The following DCLK1 variants were observed in gnomAD, a reference collection of about 807,000 sequenced individuals.
DCLK1 encodes the protein doublecortin like kinase 1.
In DCLK1, 16 loss-of-function variants were observed where a neutral mutation model predicts 86.2. That is an observed-to-expected ratio of 0.19 (90% CI 0.13 to 0.28). DCLK1 has a LOEUF of 0.28. Among genes scored for constraint, DCLK1 ranks in the 10% least tolerant of loss-of-function variants. DCLK1 has a pLI of 1.00. For synonymous variants in DCLK1, 369 were observed against 370.5 expected, an observed-to-expected ratio of 1.00 and a Z score of 0.05; for missense variants, 590 against 940.2, an observed-to-expected ratio of 0.63 and a Z score of 4.87.
At chr13:36,083,306 T>C (rs77219251) in intron 3 of DCLK1, among the ~76,000 whole-genome samples, 6,273 of 152,270 alleles carry the variant, frequency 0.041, 144 homozygotes, top group African/African-American at 0.07. Flanking sequence ...ACACTAAAAA[T>C]GTCTAGTTTG....
intron 3 of DCLK1, among the ~76,000 whole-genome samples, chr13:36,095,157 CTA>C (rs10546609): frequency 0.17 from 24,647 of 148,988 alleles, 2,890 homozygotes; most frequent in East Asian, 0.37. Flanking sequence ...TGATATCTCT[CTA>C]TCTCTCTCTC....
chr13:35,935,382 T>C (rs1876699891), intron 4 of DCLK1, among the ~76,000 whole-genome samples: 1 of 152,066 alleles, frequency 6.6e-6, no homozygotes, highest in Admixed American at 6.6e-5. Flanking sequence ...AGTTCAAGCA[T>C]CTTCATGAGT....
At chr13:35,795,370 T>C (rs879747746) in intron 15 of DCLK1, among the ~76,000 whole-genome samples, 9 of 151,946 alleles carry the variant, frequency 5.9e-5, no homozygotes, top group Non-Finnish European at 1.0e-4. Flanking sequence ...CATAAATGAA[T>C]ACCCAAAAGA....
intron 3 of DCLK1, among the ~76,000 whole-genome samples, chr13:36,034,286 T>C (rs1882404506): frequency 6.6e-6 from 1 of 152,218 alleles, no homozygotes; most frequent in Admixed American, 6.5e-5. Context: ...ATAGAATCAA[T>C]AGAAATTAAA....
At chr13:35,820,504 T>C (rs1419067297) in intron 11 of DCLK1, among the ~76,000 whole-genome samples, 4 of 152,214 alleles carry the variant, frequency 2.6e-5, no homozygotes, top group Non-Finnish European at 5.9e-5. Flanking sequence ...TGCACTCCAA[T>C]GTAATCACTT....
intron 3 of DCLK1, among the ~76,000 whole-genome samples, chr13:35,996,408 G>T (rs180899217): frequency 6.6e-6 from 1 of 152,328 alleles, no homozygotes; most frequent in Non-Finnish European, 1.5e-5. Flanking sequence ...CGGGGCCCAG[G>T]TATGTAGTCA....
At chr13:35,985,321 A>C (rs1229962530) in intron 3 of DCLK1, among the ~76,000 whole-genome samples, 2 of 152,004 alleles carry the variant, frequency 1.3e-5, no homozygotes, top group African/African-American at 4.8e-5. Context: ...GATCAACAAT[A>C]GCAGGTGTGG....
At chr13:35,919,135 G>A (rs758911037) in intron 4 of DCLK1, among the ~76,000 whole-genome samples, 7 of 151,750 alleles carry the variant, frequency 4.6e-5, no homozygotes, top group Non-Finnish European at 7.4e-5. Flanking sequence ...CAAGTGATCC[G>A]CCTGCCTCAG....
At chr13:35,931,614 G>A (rs1338024918) in intron 4 of DCLK1, among the ~76,000 whole-genome samples, 1 of 152,124 alleles carries the variant, frequency 6.6e-6, no homozygotes, top group Non-Finnish European at 1.5e-5. Flanking sequence ...TTTTAGGGAG[G>A]ATATTGCTGA....
chr13:36,078,706 G>T (rs1884305078), intron 3 of DCLK1, among the ~76,000 whole-genome samples: 1 of 152,210 alleles, frequency 6.6e-6, no homozygotes, highest in Non-Finnish European at 1.5e-5. Context: ...GACAAAGTCA[G>T]ATTAGCTCTT....
At chr13:36,113,707 A>G (rs9546405) in intron 2 of DCLK1, among the ~76,000 whole-genome samples, 51,027 of 151,842 alleles carry the variant, frequency 0.34, 9,268 homozygotes, top group East Asian at 0.72. Context: ...ATTTATCTAT[A>G]AAACAAAACC....
At chr13:36,017,956 G>A (rs1048389574) in intron 3 of DCLK1, among the ~76,000 whole-genome samples, 34 of 152,150 alleles carry the variant, frequency 2.2e-4, no homozygotes, top group African/African-American at 7.2e-4. Flanking sequence ...CCAAGCACAT[G>A]AGGTCAGTTC....
chr13:36,056,477 GA>G (rs1377862980), intron 3 of DCLK1, among the ~76,000 whole-genome samples: 16 of 100,318 alleles, frequency 1.6e-4, no homozygotes, highest in Non-Finnish European at 2.9e-4. Flanking sequence ...GGGGAGGGGG[GA>G]GGGGGGAGGG....
intron 14 of DCLK1, among the ~76,000 whole-genome samples, chr13:35,806,409 C>T (rs568648648): frequency 6.6e-6 from 1 of 152,304 alleles, no homozygotes; most frequent in Non-Finnish European, 1.5e-5. Context: ...TAAACAATTT[C>T]ATCATCCTGA....
intron 4 of DCLK1, among the ~76,000 whole-genome samples, chr13:35,931,119 C>T (rs1357373747): frequency 1.3e-5 from 2 of 152,180 alleles, no homozygotes; most frequent in Non-Finnish European, 2.9e-5. Context: ...TGTTAGCATA[C>T]CTTTTCATTT....
chr13:36,098,581 A>T (rs1406989001), intron 3 of DCLK1, among the ~76,000 whole-genome samples: 1 of 152,204 alleles, frequency 6.6e-6, no homozygotes, highest in Non-Finnish European at 1.5e-5. Flanking sequence ...TAATTTTAAG[A>T]CCTAGAAAAC....
chr13:35,854,402 A>G, intron 6 of DCLK1, 97 bp downstream of exon 6: 2 of 920,974 alleles, frequency 2.2e-6, no homozygotes, highest in Non-Finnish European at 3.0e-6. Flanking sequence ...TAGCTTAGAT[A>G]TCGCCTAGAG....
intron 3 of DCLK1, among the ~76,000 whole-genome samples, chr13:36,017,434 G>A (rs1881583176): frequency 6.6e-6 from 1 of 152,192 alleles, no homozygotes; most frequent in Admixed American, 6.5e-5. Flanking sequence ...GCAGGGGATA[G>A]TTTGATACCC....
intron 7 of DCLK1, among the ~76,000 whole-genome samples, chr13:35,837,510 G>C (rs1869472848): frequency 6.6e-6 from 1 of 152,080 alleles, no homozygotes; most frequent in African/African-American, 2.4e-5. Flanking sequence ...AGCCAGGGGA[G>C]TTTTGTCTAC....
Sources: allele counts gnomAD v4.1 joint callset (sites outside exome capture counted in the v4.1 genomes callset), GRCh38; gene constraint gnomAD v4.1.1; transcripts MANE v1.5; gene names NCBI Gene and HGNC (gene_info 2026-07-23, HGNC 2026-07-21).